The following SAMD10 variants were observed in gnomAD, a reference collection of about 807,000 sequenced individuals.
The protein encoded by SAMD10 is sterile alpha motif domain-containing protein 10.
SAMD10 carries 16 observed loss-of-function variants against 22.5 expected under a neutral mutation model. The ratio of observed to expected loss-of-function variants is 0.71; its 90% CI spans 0.48 to 1.08. SAMD10 has a LOEUF of 1.08. Ranked by LOEUF, SAMD10 falls within the 50% of genes least tolerant of loss-of-function variation. The probability of loss-of-function intolerance (pLI) is 0.00; values close to 1 mark genes in which losing one functional copy is unlikely to be tolerated. For missense variants in SAMD10, 227 were observed against 281.3 expected (o/e 0.81, Z 1.38); for synonymous variants, 118 against 122.2 (o/e 0.97, Z 0.23).
At chr20:63,978,204 T>G (rs1179778672) in intron 1 of SAMD10, 1 of 747,456 alleles carries the variant, frequency 1.3e-6, no homozygotes, top group Admixed American at 2.4e-5. Context: ...ATTAAAGTGT[T>G]TCATCTGAGC....
Position 63,977,623 on chromosome 20 carries a change from T to C in SAMD10, c.92-217A>G, listed in dbSNP as rs890024048. Among the ~76,000 whole-genome samples the C allele has an allele frequency of 6.6e-6, 1 of 152,202 alleles. No individual in the cohort carries two copies. Among genetic ancestry groups the C allele is most frequent in the African/African-American group, 2.4e-5 (1 of 41,450 alleles). On this transcript the variant is annotated intron_variant, in intron 1 of 4. Coordinates refer to ENST00000369886, the MANE Select transcript of SAMD10 (RefSeq NM_080621.5). This position sits in a 1 kb window ranked among gnomAD's most constrained non-coding sequence, Gnocchi z 5.4. Reference sequence around the variant, plus strand: ...AGAGAAGAACTGGAAACACCTTTCATCTTGCAAGTCTACAGCCCTCACCCA... The same window carrying C: ...AGAGAAGAACTGGAAACACCTTTCACCTTGCAAGTCTACAGCCCTCACCCA...
chr20:63,975,426 G>A lies in SAMD10; in HGVS notation c.*84C>T. The A allele has an allele frequency of 2.6e-6, 4 of 1,568,622 alleles. No homozygotes were observed. Among genetic ancestry groups the A allele is most frequent in the Non-Finnish European group, 3.5e-6 (4 of 1,142,520 alleles). On this transcript the variant is annotated 3_prime_UTR_variant, in exon 5 of 5. Coordinates refer to ENST00000369886, the MANE Select transcript of SAMD10 (RefSeq NM_080621.5). ...CCCCGGCATCCCGCAGGGTCCAAGAGGCGCTGCGGGGCCAGCTTGGCCTCC... is the reference window on the plus strand; with the variant it reads ...CCCCGGCATCCCGCAGGGTCCAAGAAGCGCTGCGGGGCCAGCTTGGCCTCC...
At chr20:63,978,533 A>T (rs1262841645) in intron 1 of SAMD10, among the ~76,000 whole-genome samples, 1 of 152,140 alleles carries the variant, frequency 6.6e-6, no homozygotes, top group African/African-American at 2.4e-5. Flanking sequence ...CACCCAGGGC[A>T]GGGGTTGGGG....
Position 63,977,161 on chromosome 20 carries a change from G to A in SAMD10, c.274-19C>T. ...GCCGGCCCTGCAGGGGAGGGGCGTGGCAGGCAGAGTGAGAGTGGTGGAGAA... is the reference window on the plus strand; with the variant it reads ...GCCGGCCCTGCAGGGGAGGGGCGTGACAGGCAGAGTGAGAGTGGTGGAGAA... On this transcript the variant is annotated intron_variant, in intron 2 of 4. Transcript: ENST00000369886. This position sits in a 1 kb window ranked among gnomAD's most constrained non-coding sequence, Gnocchi z 5.4. 1 of 1,613,050 alleles carries A rather than the reference G, an allele frequency of 6.2e-7. No individual in the cohort carries two copies. The highest frequency in any genetic ancestry group is 8.5e-7 in the Non-Finnish European group (1 of 1,179,150).
chr20:63,979,713 C>A, upstream of SAMD10: 1 of 984,040 alleles, frequency 1.0e-6, no homozygotes, highest in Non-Finnish European at 1.2e-6. This position sits in a 1 kb window ranked among gnomAD's most constrained non-coding sequence, Gnocchi z 7.7. Flanking sequence ...GGCTGTCCGC[C>A]AGGGCGAGGG....
Position 63,977,229 on chromosome 20 carries a change from G to T in SAMD10, c.269C>A (p.Pro90His), listed in dbSNP as rs1206409881. The T allele has an allele frequency of 3.1e-6, 5 of 1,613,546 alleles. No individual in the cohort carries two copies. Among genetic ancestry groups the T allele is most frequent in the Non-Finnish European group, 4.2e-6 (5 of 1,179,918 alleles). ...GTGGGTGGAGTGGGTGGGTACCTGG[G>T]GGGTGTCTGTGCCGGGCTGCTGCAG... ...KLLQQPGTDTPQGRLYSDHYG... is the reference protein window; with the variant it reads ...KLLQQPGTDTHQGRLYSDHYG... Residue 90 changes from proline (P) to histidine (H), a missense_variant, in exon 2 of 5, where the codon CCC becomes CAC. Pro to His is a moderately conservative substitution (Grantham distance 77, BLOSUM62 -2). Transcript: ENST00000369886. The surrounding 1 kb of genome is among the most constrained non-coding windows in gnomAD (Gnocchi z 5.4).
chr20:63,978,864 A>G (rs976497524), intron 1 of SAMD10, among the ~76,000 whole-genome samples: 1 of 152,124 alleles, frequency 6.6e-6, no homozygotes, highest in Non-Finnish European at 1.5e-5. Flanking sequence ...CAGTCCGGGG[A>G]AACCCGTCGG....
rs1233828863 is a variant in SAMD10, at chr20:63,979,566, C to T, written c.-99G>A. The T allele has an allele frequency of 6.1e-6, 6 of 986,058 alleles. No individual in the cohort carries two copies. The highest frequency in any genetic ancestry group is 7.2e-6 in the Non-Finnish European group (6 of 831,472). The allele number at this position is 986,058 out of a possible 1,614,324, so 61.1% of individuals were successfully genotyped here. A position where few individuals can be genotyped will look rare whatever the true frequency, so the allele number is the denominator to read the frequency against. ...CGCGCGCCGCCGCCCCGCCCCGCCC[C>T]AGCCGGCCCCGCGCCCGAGCCGGTC... is the stretch of plus-strand genomic sequence containing the variant. On this transcript the variant is annotated 5_prime_UTR_variant, in exon 1 of 5. Coordinates refer to ENST00000369886, the MANE Select transcript of SAMD10 (RefSeq NM_080621.5). The surrounding 1 kb of genome is among the most constrained non-coding windows in gnomAD (Gnocchi z 7.7).
chr20:63,979,752 G>A (rs1174941703), upstream of SAMD10: 7 of 921,996 alleles, frequency 7.6e-6, no homozygotes, highest in African/African-American at 1.8e-5. This position sits in a 1 kb window ranked among gnomAD's most constrained non-coding sequence, Gnocchi z 7.7. Flanking sequence ...GCACGGCTCC[G>A]CGGAGGAGAG....
At position 63,977,265 on chromosome 20, in the gene SAMD10, G is replaced by A; in HGVS notation, c.233C>T (p.Pro78Leu). Residue 78 changes from proline (P) to leucine (L), a missense_variant, in exon 2 of 5, where the codon CCA becomes CTA. Transcript: ENST00000369886. This position sits in a 1 kb window ranked among gnomAD's most constrained non-coding sequence, Gnocchi z 5.4. Reference sequence around the variant, plus strand: ...GCCGGGCTGCTGCAGGAGCTTGATTGGCCTGCTGCTGGCCGCCCTCTGGCT... The same window carrying A: ...GCCGGGCTGCTGCAGGAGCTTGATTAGCCTGCTGCTGGCCGCCCTCTGGCT... ...SRSQRAASSR[P>L]IKLLQQPGTD... The A allele has an allele frequency of 6.2e-7, 1 of 1,613,462 alleles. No homozygotes were observed.
Position 63,979,035 on chromosome 20 carries a change from G to A in SAMD10, c.91+342C>T, listed in dbSNP as rs2059044197. On this transcript the variant is annotated intron_variant, in intron 1 of 4. Coordinates refer to ENST00000369886, the MANE Select transcript of SAMD10 (RefSeq NM_080621.5). The surrounding 1 kb of genome is among the most constrained non-coding windows in gnomAD (Gnocchi z 7.7). Reference sequence around the variant, plus strand: ...GGAAATGGGGCGGGGGCACCGAGGCGGGATGTGACCTCGGCCCCCTTTCGG... The same window carrying A: ...GGAAATGGGGCGGGGGCACCGAGGCAGGATGTGACCTCGGCCCCCTTTCGG... Among the ~76,000 whole-genome samples the A allele has an allele frequency of 6.6e-6, 1 of 152,188 alleles. No individual in the cohort carries two copies. Among genetic ancestry groups the A allele is most frequent in the African/African-American group, 2.4e-5 (1 of 41,450 alleles).
chr20:63,975,386 G>T lies in SAMD10; in HGVS notation c.*124C>A. On this transcript the variant is annotated 3_prime_UTR_variant, in exon 5 of 5. Transcript: ENST00000369886. ...GTGATCCTGGTCCTGTCTGTCCGTT[G>T]GGCCAGCCTGGCCGCCCCGGCATCC... 2 of 1,205,562 alleles carry T rather than the reference G, an allele frequency of 1.7e-6. No individual in the cohort carries two copies. Among genetic ancestry groups the T allele is most frequent in the Non-Finnish European group, 2.4e-6 (2 of 834,948 alleles). 74.7% of individuals were successfully genotyped at this position (1,205,562 alleles called of 1,614,324 possible).
In SAMD10 at chr20:63,976,078, C is replaced by G. The variant is rs369477849; in HGVS notation, c.446-246G>C. Among the ~76,000 whole-genome samples the G allele has an allele frequency of 2.0e-3, 312 of 152,286 alleles. 11 individuals are homozygous for G. The South Asian group carries it at 0.055, about 27-fold the overall frequency. On this transcript the variant is annotated intron_variant, in intron 3 of 4. Transcript: ENST00000369886. ...GTCCCAGCTACTCGGGAGGCTGAGG[C>G]GGGAGGATCACTTGAACCTGGGAGG...
chr20:63,976,046 G>A (rs1392036693), intron 3 of SAMD10, among the ~76,000 whole-genome samples: 6 of 152,220 alleles, frequency 3.9e-5, no homozygotes, highest in South Asian at 2.1e-4. Flanking sequence ...GGTGGTGTGC[G>A]CCTGTAGTCC....
chr20:63,975,325 A>C lies in SAMD10; in HGVS notation c.*185T>G. The stretch of plus-strand genomic sequence containing the variant: ...CCCCCTACCCACCCAGCCCCAGGGC[A>C]CGACCTGGAATGTCCAACCAGAGGC... On this transcript the variant is annotated 3_prime_UTR_variant, in exon 5 of 5. Coordinates refer to ENST00000369886, the MANE Select transcript of SAMD10 (RefSeq NM_080621.5). The C allele has an allele frequency of 2.6e-4, 147 of 561,110 alleles. No individual in the cohort carries two copies. The highest frequency in any genetic ancestry group is 4.9e-4 in the Middle Eastern group (1 of 2,060). The allele number at this position is 561,110 out of a possible 1,614,324, so 34.8% of individuals were successfully genotyped here.
chr20:63,976,788 A>AAAAAAAAAAAAAAG (rs2059025823), intron 3 of SAMD10, among the ~76,000 whole-genome samples, 183 bp downstream of exon 3: 1 of 147,064 alleles, frequency 6.8e-6, no homozygotes, highest in African/African-American at 2.5e-5. Flanking sequence ...AAAAAAAAAA[A>AAAAAAAAAAAAAAG]AAAGAAAGGC....
At chr20:63,979,702 A>G (rs2059051337), upstream of SAMD10, 4 of 985,062 alleles carry the variant, frequency 4.1e-6, no homozygotes, top group African/African-American at 1.7e-5. The surrounding 1 kb of genome is among the most constrained non-coding windows in gnomAD (Gnocchi z 7.7). Flanking sequence ...GCGTGCACCA[A>G]GGCTGTCCGC....
Position 63,975,948 on chromosome 20 carries a change from A to C in SAMD10, c.446-116T>G. The C allele has an allele frequency of 8.0e-6, 9 of 1,127,348 alleles. No homozygotes were observed. The South Asian group carries it at 1.4e-4, about 18-fold the overall frequency. 69.8% of individuals were successfully genotyped at this position (1,127,348 alleles called of 1,614,324 possible). A position where few individuals can be genotyped will look rare whatever the true frequency, so the allele number is the denominator to read the frequency against. ...AGCACTTTGGGAGGCCGAGGCGGGCAGATCACTTGAGGTCAGGAGTTCAAG... is the reference window on the plus strand; with the variant it reads ...AGCACTTTGGGAGGCCGAGGCGGGCCGATCACTTGAGGTCAGGAGTTCAAG... On this transcript the variant is annotated intron_variant, in intron 3 of 4. Coordinates refer to ENST00000369886, the MANE Select transcript of SAMD10 (RefSeq NM_080621.5).
rs369704999 is a variant in SAMD10, at chr20:63,975,759, C to T, written c.519G>A (p.Glu173=). ...MGLAQEAQRQ[E]VLQQVLRLQV... ...GCAGGCGGAGCACCTGCTGCAGCAC[C>T]TCCTGCCTCTGGGCCTCCTGGGCCA... The change falls in exon 4 of 5, where the codon GAG becomes GAA. Residue 173 remains glutamate (E), a synonymous_variant. Transcript: ENST00000369886. 3 of 1,604,712 alleles carry T rather than the reference C, an allele frequency of 1.9e-6. No homozygotes were observed. The highest frequency in any genetic ancestry group is 1.1e-5 in the South Asian group (1 of 90,910).
Sources: gnomAD v4.1 joint callset for allele counts (sites outside exome capture counted in the v4.1 genomes callset) on GRCh38, gnomAD v4.1.1 for gene constraint, Gnocchi (gnomAD v3.1) non-coding constraint, MANE v1.5 for transcripts, NCBI Gene and HGNC (gene_info 2026-07-23, HGNC 2026-07-21) for gene names.